Variants in GLRA2 observed in about 807,000 individuals in gnomAD.
The protein encoded by GLRA2 is glycine receptor alpha 2.
In GLRA2, 11 loss-of-function variants were observed where a neutral mutation model predicts 31.6. That is an observed-to-expected ratio of 0.35 (90% CI 0.22 to 0.58). The LOEUF (loss-of-function observed/expected upper bound fraction) is 0.58. GLRA2 is among the 20% of genes least tolerant of loss of function. The pLI, the probability that GLRA2 is intolerant of heterozygous loss-of-function variation, is 0.84. For missense variants in GLRA2, 212 were observed against 351.8 expected (o/e 0.60, Z 3.18); for synonymous variants, 132 against 134.0 (o/e 0.99, Z 0.10).
At chrX:14,554,865 A>G (rs184538906) in intron 2 of GLRA2, among the ~76,000 whole-genome samples, 11 of 111,966 alleles carry the variant, frequency 9.8e-5, no homozygotes, top group Non-Finnish European at 1.7e-4. Flanking sequence ...CATACCTATA[A>G]GCAAGGGATA....
chrX:14,558,259 C>T (rs954004341), intron 2 of GLRA2, among the ~76,000 whole-genome samples: 7 of 111,897 alleles, frequency 6.3e-5, no homozygotes, highest in African/African-American at 9.8e-5. Flanking sequence ...ACAGTAACTA[C>T]GATCTATTAA....
At chrX:14,494,083 C>A in the GLRA2 span, among the ~76,000 whole-genome samples, 1 of 110,849 alleles carries the variant, frequency 9.0e-6, no homozygotes, top group Non-Finnish European at 1.9e-5. Context: ...TGAAAGTGTA[C>A]ATACTAAATA....
At chrX:14,643,719 A>T (rs1346022985) in intron 7 of GLRA2, among the ~76,000 whole-genome samples, 1 of 111,604 alleles carries the variant, frequency 9.0e-6, no homozygotes, top group African/African-American at 3.3e-5. Context: ...GTGCTTCCCC[A>T]TTCCTGTAAC....
At chrX:14,642,805 C>T (rs2090790173) in intron 7 of GLRA2, among the ~76,000 whole-genome samples, 1 of 110,965 alleles carries the variant, frequency 9.0e-6, no homozygotes, top group African/African-American at 3.3e-5. Flanking sequence ...GTATGGTAGG[C>T]AGATTTCTAA....
intron 7 of GLRA2, among the ~76,000 whole-genome samples, chrX:14,683,550 A>C (rs906150476): frequency 6.3e-5 from 7 of 111,202 alleles, no homozygotes; most frequent in African/African-American, 2.3e-4. Flanking sequence ...TCTTTAGTTT[A>C]ATTAGATCCC....
intron 7 of GLRA2, among the ~76,000 whole-genome samples, chrX:14,609,411 G>A (rs1460535603): frequency 9.0e-6 from 1 of 111,044 alleles, no homozygotes; most frequent in African/African-American, 3.3e-5. Flanking sequence ...AGAGGAAAGG[G>A]AAATTAGTAT....
chrX:14,490,415 G>GT, the GLRA2 span, among the ~76,000 whole-genome samples: 2 of 112,178 alleles, frequency 1.8e-5, no homozygotes, highest in South Asian at 7.4e-4. Flanking sequence ...CTTCTAGTGA[G>GT]TTTTTTCATA....
At chrX:14,628,283 C>T (rs774423795) in intron 7 of GLRA2, among the ~76,000 whole-genome samples, 1 of 111,235 alleles carries the variant, frequency 9.0e-6, no homozygotes, top group Admixed American at 9.6e-5. Flanking sequence ...GTTTGGGTTG[C>T]GTCTTAAAAT....
the GLRA2 span, among the ~76,000 whole-genome samples, chrX:14,492,207 G>C: frequency 1.8e-5 from 2 of 110,805 alleles, no homozygotes; most frequent in South Asian, 3.9e-4. Context: ...GTCCACTTGA[G>C]TTTTGTAGGA....
chrX:14,474,677 AT>A, the GLRA2 span, among the ~76,000 whole-genome samples: 1 of 48,198 alleles, frequency 2.1e-5, no homozygotes, highest in African/African-American at 9.3e-5. Context: ...GATGGCTGGG[AT>A]GGCTGGGATG....
At chrX:14,689,936 C>T (rs1412256177) in intron 7 of GLRA2, among the ~76,000 whole-genome samples, 1 of 112,237 alleles carries the variant, frequency 8.9e-6, no homozygotes, top group Admixed American at 9.4e-5. Context: ...TTACTAAACA[C>T]TTAAGCAAAC....
At chrX:14,606,084 T>C (rs1464413179) in intron 5 of GLRA2, among the ~76,000 whole-genome samples, 1 of 107,234 alleles carries the variant, frequency 9.3e-6, no homozygotes, top group Non-Finnish European at 1.9e-5. Context: ...ACAATTAAAC[T>C]TGCCATTGAT....
the GLRA2 span, among the ~76,000 whole-genome samples, chrX:14,516,955 T>C: frequency 9.0e-6 from 1 of 110,595 alleles, no homozygotes; most frequent in East Asian, 2.9e-4. Context: ...GAGATTCCAA[T>C]CAAGAATCTC....
chrX:14,718,413 T>A (rs771128054), intron 8 of GLRA2, among the ~76,000 whole-genome samples: 1 of 112,438 alleles, frequency 8.9e-6, no homozygotes, highest in Non-Finnish European at 1.9e-5. Context: ...GAAAGTGTAA[T>A]ATTTGGCACA....
chrX:14,539,521 A>G (rs947069117), intron 2 of GLRA2, among the ~76,000 whole-genome samples: 1 of 111,853 alleles, frequency 8.9e-6, no homozygotes, highest in Non-Finnish European at 1.9e-5. Context: ...AGTACATGTA[A>G]GAACAAAGTC....
At chrX:14,473,588 A>G in the GLRA2 span, among the ~76,000 whole-genome samples, 12 of 111,507 alleles carry the variant, frequency 1.1e-4, no homozygotes, top group Admixed American at 8.5e-4. Context: ...CCTTTCCCCT[A>G]TAAGTGTGTA....
At chrX:14,450,256 A>AT in the GLRA2 span, among the ~76,000 whole-genome samples, 1 of 112,294 alleles carries the variant, frequency 8.9e-6, no homozygotes, top group African/African-American at 3.2e-5. Flanking sequence ...ACCTGCAGAC[A>AT]TACTCCACAA....
chrX:14,462,135 G>T, the GLRA2 span, among the ~76,000 whole-genome samples: 1 of 111,769 alleles, frequency 8.9e-6, no homozygotes, highest in Non-Finnish European at 1.9e-5. Flanking sequence ...ATGAAATTCT[G>T]GGTTGAAAAT....
the GLRA2 span, among the ~76,000 whole-genome samples, chrX:14,467,832 T>C: frequency 2.6e-4 from 29 of 109,770 alleles, no homozygotes; most frequent in East Asian, 3.7e-3. Context: ...TCAAGAGGCA[T>C]TAGTGTGTAA....
Sources: allele counts gnomAD v4.1 joint callset (sites outside exome capture counted in the v4.1 genomes callset), GRCh38; gene constraint gnomAD v4.1.1; transcripts MANE v1.5; gene names NCBI Gene and HGNC (gene_info 2026-07-23, HGNC 2026-07-21).